KCNQ2: variants seen among roughly 807,000 people sequenced by gnomAD.
KCNQ2 encodes the protein potassium voltage-gated channel subfamily Q member 2, also known as potassium voltage-gated channel subfamily KQT member 2.
Under a neutral mutation model 84.8 loss-of-function variants are expected in KCNQ2, and 14 were observed. The observed-to-expected ratio is 0.17, with a 90% CI of 0.11 to 0.26. The LOEUF is 0.26. Among genes scored for constraint, KCNQ2 ranks in the 10% least tolerant of loss-of-function variants. KCNQ2 has a pLI of 1.00. For missense variants in KCNQ2, 788 were observed against 1,254.0 expected (o/e 0.63, Z 5.61); for synonymous variants, 599 against 554.1 (o/e 1.08, Z -1.14).
intron 9 of KCNQ2, among the ~76,000 whole-genome samples, chr20:63,430,215 A>G (rs2080752058): frequency 6.6e-6 from 1 of 152,094 alleles, no homozygotes; most frequent in Non-Finnish European, 1.5e-5. Flanking sequence ...CTGTGGGACG[A>G]GGGTGCAACA....
intron 11 of KCNQ2, chr20:63,423,936 G>C: frequency 2.0e-5 from 9 of 441,920 alleles, no homozygotes; most frequent in Admixed American, 3.8e-5. Flanking sequence ...AAGCCGCCCA[G>C]CTGCCCGGAT....
Position 63,406,578 on chromosome 20 carries a change from G to A in KCNQ2, c.*66C>T. ...AAGAAAAGGGCCCCAGAGGGTTCCC[G>A]CCTCAAAACCTCGGAGGCACCGTGC... On this transcript the variant is annotated 3_prime_UTR_variant, in exon 17 of 17. Transcript: ENST00000359125. The A allele has an allele frequency of 4.0e-6, 6 of 1,493,844 alleles. No individual in the cohort carries two copies. The highest frequency in any genetic ancestry group is 2.6e-5 in the South Asian group (2 of 75,726). 92.5% of individuals were successfully genotyped at this position (1,493,844 alleles called of 1,614,324 possible).
At chr20:63,434,854 C>T (rs2080944587) in intron 7 of KCNQ2, 2 of 152,260 alleles carry the variant, frequency 1.3e-5, no homozygotes, top group African/African-American at 4.8e-5. Context: ...CAGCTGTTTC[C>T]ACTTTTTGGT....
Position 63,407,946 on chromosome 20 carries a change from G to A in KCNQ2, c.1887+467C>T, listed in dbSNP as rs1223733376. On this transcript the variant is annotated intron_variant, in intron 16 of 16. Coordinates refer to ENST00000359125, the MANE Select transcript of KCNQ2 (RefSeq NM_172107.4). This position sits in a 1 kb window ranked among gnomAD's most constrained non-coding sequence, Gnocchi z 7.2. ...AACCCCCTTCAGGAAAGCCCCACAG[G>A]GCAGGACCTGGCAGTTCCTTACTCA... The A allele has an allele frequency of 1.7e-5, 4 of 237,308 alleles. No homozygotes were observed. Among genetic ancestry groups the A allele is most frequent in the South Asian group, 1.2e-4 (2 of 17,190 alleles). 14.7% of individuals were successfully genotyped at this position (237,308 alleles called of 1,614,324 possible).
chr20:63,441,401 C>T (rs532289027), intron 5 of KCNQ2, among the ~76,000 whole-genome samples: 4 of 152,066 alleles, frequency 2.6e-5, no homozygotes, highest in Non-Finnish European at 5.9e-5. Context: ...GCAGAGGGAC[C>T]CAGAGGGGAG....
intron 5 of KCNQ2, among the ~76,000 whole-genome samples, chr20:63,440,803 G>A (rs4809561): frequency 0.47 from 71,529 of 151,736 alleles, 16,965 homozygotes; most frequent in Middle Eastern, 0.54. Context: ...GGCCTTGGCT[G>A]CCACCACCAC....
rs1473938948 is a variant in KCNQ2, at chr20:63,428,424, G to C, written c.1160C>G (p.Pro387Arg). Residue 387 changes from proline (P) to arginine (R), a missense_variant, in exon 10 of 17, where the codon CCG becomes CGG. By Grantham distance (103) the Pro-to-Arg change is moderately radical (BLOSUM62 -2). Coordinates refer to ENST00000359125, the MANE Select transcript of KCNQ2 (RefSeq NM_172107.4). ...QTYGASRLIP[P>R]LNQLELLRNL... ...CCTCAGCAGCTCCAGCTGGTTCAGC[G>C]GGGGGATAAGTCTGGGGCAAGAGAA... The C allele has an allele frequency of 6.3e-7, 1 of 1,589,054 alleles. No homozygotes were observed. The highest frequency in any genetic ancestry group is 8.6e-7 in the Non-Finnish European group (1 of 1,168,270).
rs902802065 is a variant in KCNQ2 at position 63,425,677 on chromosome 20, G to A, written c.1218-1471C>T. Among the ~76,000 whole-genome samples, 6 of 151,930 alleles carry A rather than the reference G, an allele frequency of 3.9e-5. No homozygotes were observed. Among genetic ancestry groups the A allele is most frequent in the African/African-American group, 7.3e-5 (3 of 41,304 alleles). On this transcript the variant is annotated intron_variant, in intron 10 of 16. Coordinates refer to ENST00000359125, the MANE Select transcript of KCNQ2 (RefSeq NM_172107.4). This position sits in a 1 kb window ranked among gnomAD's most constrained non-coding sequence, Gnocchi z 5.5. ...AGAGGTTGCAGTAAGCTGTGATTGC[G>A]CCACTGCACTCCAGCCTGAGTGACG...
chr20:63,443,334 TCACCACCA>T (rs1568937260), intron 4 of KCNQ2, among the ~76,000 whole-genome samples: 9 of 40,180 alleles, frequency 2.2e-4, no homozygotes, highest in African/African-American at 9.7e-4. Context: ...ACCATCACCA[TCACCACCA>T]TCACCACCAC....
Position 63,431,358 on chromosome 20 carries a change from T to A in KCNQ2, c.1130A>T (p.Gln377Leu). 1 of 1,613,772 alleles carries A rather than the reference T, an allele frequency of 6.2e-7. No individual in the cohort carries two copies. Among genetic ancestry groups the A allele is most frequent in the Non-Finnish European group, 8.5e-7 (1 of 1,179,914 alleles). Residue 377 changes from glutamine to leucine, a missense_variant, in exon 9 of 17, where the codon CAA (glutamine) becomes CTA (leucine). By Grantham distance (113) the Gln-to-Leu change is moderately radical (BLOSUM62 -2). This residue lies in a region of KCNQ2 where 202 missense variants were observed against 239.4 expected (regional missense o/e 0.84). Coordinates refer to ENST00000359125, the MANE Select transcript of KCNQ2 (RefSeq NM_172107.4). ...VTVPMYSSQT[Q>L]TYGASRLIPP... ...TTCCTACCTGGAGGCCCCGTAGGTT[T>A]GAGTTTGCGAACTTTCAAGTGTTTC...
intron 14 of KCNQ2, 95 bp downstream of exon 14, chr20:63,413,993 T>C (rs1281596534): frequency 1.1e-6 from 1 of 944,514 alleles, no homozygotes; most frequent in East Asian, 2.5e-5. Flanking sequence ...TCTGGGCGGC[T>C]CTGTCCAGCA....
At chr20:63,417,429 C>G (rs922232393) in intron 12 of KCNQ2, among the ~76,000 whole-genome samples, 3 of 152,236 alleles carry the variant, frequency 2.0e-5, no homozygotes, top group African/African-American at 7.2e-5. Context: ...GGTCCAGTCA[C>G]CAGAGAGAGA....
chr20:63,430,796 G>C (rs1242151338), intron 9 of KCNQ2, among the ~76,000 whole-genome samples: 2 of 152,216 alleles, frequency 1.3e-5, no homozygotes, highest in Admixed American at 1.3e-4. Flanking sequence ...GAGACCCTGA[G>C]GCAGACCCCT....
Position 63,405,336 on chromosome 20 carries a change from A to G in KCNQ2, c.*1308T>C, listed in dbSNP as rs2079904617. The G allele has an allele frequency of 6.6e-6, 1 of 152,244 alleles. No homozygotes were observed. The highest frequency in any genetic ancestry group is 1.5e-5 in the Non-Finnish European group (1 of 68,090). 9.4% of individuals were successfully genotyped at this position (152,244 alleles called of 1,614,324 possible). A position where few individuals can be genotyped will look rare whatever the true frequency, so the allele number is the denominator to read the frequency against. ...GGGTCTGGTTCTTAAGTCTGGAGCTAGGGACTCGCTCCCGCATTAGAGCCG... is the reference window on the plus strand; with the variant it reads ...GGGTCTGGTTCTTAAGTCTGGAGCTGGGGACTCGCTCCCGCATTAGAGCCG... On this transcript the variant is annotated 3_prime_UTR_variant, in exon 17 of 17. Transcript: ENST00000359125.
At chr20:63,468,276 C>A (rs1393704189) in intron 1 of KCNQ2, among the ~76,000 whole-genome samples, 1 of 152,206 alleles carries the variant, frequency 6.6e-6, no homozygotes, top group East Asian at 1.9e-4. Context: ...GCCGTTCAAG[C>A]ACTCGAGTCT....
At position 63,438,483 on chromosome 20, in the gene KCNQ2, C is replaced by G; in HGVS notation, c.1023+142G>C. ...AACACACACACTTCACATCCTCGCT[C>G]CTTCCACAGATTCCTGCAGAGGGTG... is the stretch of plus-strand genomic sequence containing the variant. On this transcript the variant is annotated intron_variant, in intron 7 of 16. Coordinates refer to ENST00000359125, the MANE Select transcript of KCNQ2 (RefSeq NM_172107.4). This position sits in a 1 kb window ranked among gnomAD's most constrained non-coding sequence, Gnocchi z 5.1. 1.3e-6 allele frequency: 1 copy of G among 756,102 alleles called. No individual in the cohort carries two copies. Among genetic ancestry groups the G allele is most frequent in the South Asian group, 1.4e-5 (1 of 70,564 alleles). 46.8% of individuals were successfully genotyped at this position (756,102 alleles called of 1,614,324 possible). A position where few individuals can be genotyped will look rare whatever the true frequency, so the allele number is the denominator to read the frequency against.
At chr20:63,441,466 CT>C (rs2081160438) in intron 5 of KCNQ2, among the ~76,000 whole-genome samples, 1 of 152,176 alleles carries the variant, frequency 6.6e-6, no homozygotes, top group Non-Finnish European at 1.5e-5. Context: ...TAGTAACTCT[CT>C]GACATTTAAA....
At chr20:63,454,562 C>G (rs1475400903) in intron 1 of KCNQ2, among the ~76,000 whole-genome samples, 1 of 152,240 alleles carries the variant, frequency 6.6e-6, no homozygotes, top group African/African-American at 2.4e-5. Flanking sequence ...TTCCCAAACG[C>G]ACTGGCCAGC....
In KCNQ2 at chr20:63,414,044, C is replaced by A; in HGVS notation, c.1631+44G>T. On this transcript the variant is annotated intron_variant, in intron 14 of 16. Coordinates refer to ENST00000359125, the MANE Select transcript of KCNQ2 (RefSeq NM_172107.4). The surrounding 1 kb of genome is among the most constrained non-coding windows in gnomAD (Gnocchi z 6.6). The stretch of plus-strand genomic sequence containing the variant: ...GCAGGCAGGACCACCGAGCGGGAGG[C>A]CCCTCCTCACTCCCCCAGGCTCCCG... 1 of 1,444,412 alleles carries A rather than the reference C, an allele frequency of 6.9e-7. No homozygotes were observed. The allele number at this position is 1,444,412 out of a possible 1,614,324, so 89.5% of individuals were successfully genotyped here. A position where few individuals can be genotyped will look rare whatever the true frequency, so the allele number is the denominator to read the frequency against.
Sources: gnomAD v4.1 joint callset for allele counts (sites outside exome capture counted in the v4.1 genomes callset) on GRCh38, gnomAD v4.1.1 for gene constraint, gnomAD v4.1.1 regional missense constraint, Gnocchi (gnomAD v3.1) non-coding constraint, MANE v1.5 for transcripts, NCBI Gene and HGNC (gene_info 2026-07-23, HGNC 2026-07-21) for gene names.